Variants in CNNM2 observed in about 807,000 individuals in gnomAD.
The protein encoded by CNNM2 is metal transporter CNNM2.
CNNM2 carries 12 observed loss-of-function variants against 66.9 expected under a neutral mutation model. That is an observed-to-expected ratio of 0.18 (90% confidence interval 0.11 to 0.29). The LOEUF is 0.29. Ranked by LOEUF, CNNM2 falls within the 10% of genes least tolerant of loss-of-function variation. The pLI, the probability that CNNM2 is intolerant of heterozygous loss-of-function variation, is 1.00. For synonymous variants in CNNM2, 557 were observed against 501.8 expected, an observed-to-expected ratio of 1.11 and a Z score of -1.47; for missense variants, 705 against 1,167.7, an observed-to-expected ratio of 0.60 and a Z score of 5.77.
rs188207470 is a variant in CNNM2 at position 102,938,145 on chromosome 10, A to G, written c.1621+18044A>G. On this transcript the variant is annotated intron_variant, in intron 1 of 7. Transcript: ENST00000369878. ...GAGACCTCATCTCTACAAAAAAATTAAAAAATTAGGCCGGGTGCGGTGGCA... is the reference window on the plus strand; with the variant it reads ...GAGACCTCATCTCTACAAAAAAATTGAAAAATTAGGCCGGGTGCGGTGGCA... Among the ~76,000 whole-genome samples the G allele has an allele frequency of 2.3e-3, 343 of 151,750 alleles. 4 individuals are homozygous for G. Among genetic ancestry groups the G allele is most frequent in the African/African-American group, 7.8e-3 (325 of 41,434 alleles).
chr10:102,918,850 G>A lies in CNNM2; in HGVS notation c.370G>A (p.Glu124Lys), dbSNP rs1357883766. 8.2e-6 allele frequency: 13 copies of A among 1,584,310 alleles called. No homozygotes were observed. Among genetic ancestry groups the A allele is most frequent in the Non-Finnish European group, 1.1e-5 (13 of 1,165,354 alleles). ...TWSRIAFTEH[E>K]RRRHSPGERG... is the part of the protein sequence containing the mutation. ...GTCCCGCATCGCCTTCACCGAGCACGAGCGGCGGCGCCACAGCCCGGGGGA... is the reference window on the plus strand; with the variant it reads ...GTCCCGCATCGCCTTCACCGAGCACAAGCGGCGGCGCCACAGCCCGGGGGA... Residue 124 changes from glutamate (E) to lysine (K), a missense_variant, in exon 1 of 8, where the codon GAG becomes AAG. Around this residue, in one of 9 missense-constraint regions of CNNM2, gnomAD observed 15 missense variants for 58.1 expected, o/e 0.26. Coordinates refer to ENST00000369878, the MANE Select transcript of CNNM2 (RefSeq NM_017649.5). This position sits in a 1 kb window ranked among gnomAD's most constrained non-coding sequence, Gnocchi z 4.1.
At chr10:102,997,622 T>C (rs2064027972) in intron 1 of CNNM2, among the ~76,000 whole-genome samples, 1 of 152,098 alleles carries the variant, frequency 6.6e-6, no homozygotes, top group Non-Finnish European at 1.5e-5. Flanking sequence ...AAAATATTTG[T>C]AAAATATTTA....
At chr10:103,021,176 A>G (rs2064572175) in intron 1 of CNNM2, among the ~76,000 whole-genome samples, 1 of 152,144 alleles carries the variant, frequency 6.6e-6, no homozygotes, top group Admixed American at 6.5e-5. Context: ...AGCCCCCGTG[A>G]TTGTCCCAGC....
chr10:102,954,902 T>C (rs888977679), intron 1 of CNNM2, among the ~76,000 whole-genome samples: 6 of 152,124 alleles, frequency 3.9e-5, no homozygotes, highest in African/African-American at 1.4e-4. Context: ...TAGAAGAACA[T>C]TCCATGCTCA....
chr10:102,967,642 G>A (rs151183263), intron 1 of CNNM2, among the ~76,000 whole-genome samples: 280 of 152,306 alleles, frequency 1.8e-3, no homozygotes, highest in Middle Eastern at 6.8e-3. Context: ...TGATTGCATG[G>A]ATATACCACA....
chr10:102,949,752 T>C (rs1846758693), intron 1 of CNNM2, among the ~76,000 whole-genome samples: 1 of 152,070 alleles, frequency 6.6e-6, no homozygotes, highest in Non-Finnish European at 1.5e-5. Flanking sequence ...ATTGCGCCAC[T>C]GTACTCCAGC....
chr10:103,020,659 T>C (rs1385268369), intron 1 of CNNM2, among the ~76,000 whole-genome samples: 2 of 152,000 alleles, frequency 1.3e-5, no homozygotes, highest in African/African-American at 2.4e-5. Flanking sequence ...GTTTCTTAGG[T>C]AGTGAGTTGG....
chr10:103,009,471 C>T (rs1051630917), intron 1 of CNNM2, among the ~76,000 whole-genome samples: 6 of 151,614 alleles, frequency 4.0e-5, no homozygotes, highest in South Asian at 4.2e-4. Context: ...GTGGGAATAT[C>T]GCTTGAGCCT....
chr10:103,067,086 G>T (rs1158289877), intron 4 of CNNM2, among the ~76,000 whole-genome samples: 3 of 151,950 alleles, frequency 2.0e-5, no homozygotes, highest in African/African-American at 7.3e-5. Flanking sequence ...TGCATCAGGT[G>T]GCATAGCATC....
In CNNM2 at chr10:103,068,652, G is replaced by C. The variant is rs1444807787; in HGVS notation, c.2097G>C (p.Gly699=). The change falls in exon 5 of 8, where the codon GGG becomes GGC. Residue 699 remains glycine (G), a synonymous_variant. Coordinates refer to ENST00000369878, the MANE Select transcript of CNNM2 (RefSeq NM_017649.5). ...ILQGKVEVEA[G]KEGMKFEASA... is the part of the protein sequence containing the mutation. ...AGGGGAAAGTGGAAGTTGAAGCTGG[G>C]AAAGAAGGTATGAAGTTTGAAGCGA... The C allele has an allele frequency of 6.2e-7, 1 of 1,612,888 alleles. No individual in the cohort carries two copies. Among genetic ancestry groups the C allele is most frequent in the South Asian group, 1.1e-5 (1 of 90,606 alleles).
intron 1 of CNNM2, among the ~76,000 whole-genome samples, chr10:103,011,646 CTGTGTGTGTGTGTGTGTG>C (rs10624803): frequency 2.9e-5 from 4 of 136,000 alleles, no homozygotes; most frequent in Non-Finnish European, 4.7e-5. Flanking sequence ...AATACTTGCA[CTGTGTGTGTGTGTGTGTG>C]TGTGTGTGTG....
chr10:102,954,880 A>G (rs533184281), intron 1 of CNNM2, among the ~76,000 whole-genome samples: 1 of 152,324 alleles, frequency 6.6e-6, no homozygotes, highest in South Asian at 2.1e-4. Context: ...ATGAAATAAA[A>G]GAGGACACAA....
chr10:102,967,155 G>A (rs1052415739), intron 1 of CNNM2, among the ~76,000 whole-genome samples: 14 of 152,114 alleles, frequency 9.2e-5, no homozygotes, highest in Admixed American at 9.2e-4. Flanking sequence ...GTCTTGCTGT[G>A]TTGCCCAGGA....
At chr10:102,969,124 A>G (rs909007963) in intron 1 of CNNM2, among the ~76,000 whole-genome samples, 1 of 151,698 alleles carries the variant, frequency 6.6e-6, no homozygotes, top group South Asian at 2.1e-4. Flanking sequence ...CATGTTGTCC[A>G]GGCTAGTTTT....
chr10:103,012,509 G>A (rs546941425), intron 1 of CNNM2, among the ~76,000 whole-genome samples: 6 of 152,096 alleles, frequency 3.9e-5, no homozygotes, highest in Non-Finnish European at 7.4e-5. Context: ...TTATCCAGGC[G>A]TGGTGGTGGG....
At chr10:102,939,890 T>G (rs1205885230) in intron 1 of CNNM2, among the ~76,000 whole-genome samples, 1 of 151,702 alleles carries the variant, frequency 6.6e-6, no homozygotes, top group Non-Finnish European at 1.5e-5. Flanking sequence ...ATCGCTTGAA[T>G]CCGGGAGGTG....
chr10:102,922,590 A>G (rs904981499), intron 1 of CNNM2, among the ~76,000 whole-genome samples: 2 of 152,168 alleles, frequency 1.3e-5, no homozygotes, highest in Middle Eastern at 3.2e-3. Flanking sequence ...AACAACCCCA[A>G]CAATACCAAT....
intron 1 of CNNM2, among the ~76,000 whole-genome samples, chr10:103,019,472 GAAGTA>G (rs931739820): frequency 3.3e-5 from 5 of 152,144 alleles, no homozygotes; most frequent in African/African-American, 4.8e-5. Flanking sequence ...GGTGTAAAGA[GAAGTA>G]AAGTAGAGTG....
At chr10:103,071,495 G>A (rs769799552) in intron 5 of CNNM2, among the ~76,000 whole-genome samples, 2 of 152,132 alleles carry the variant, frequency 1.3e-5, no homozygotes, top group African/African-American at 4.8e-5. Flanking sequence ...AGCAGGTTTC[G>A]AGCTATCAAC....
Sources: gnomAD v4.1 joint callset for allele counts (sites outside exome capture counted in the v4.1 genomes callset) on GRCh38, gnomAD v4.1.1 for gene constraint, gnomAD v4.1.1 regional missense constraint, Gnocchi (gnomAD v3.1) non-coding constraint, MANE v1.5 for transcripts, NCBI Gene and HGNC (gene_info 2026-07-23, HGNC 2026-07-21) for gene names.